The following OR1L8 variants were observed in gnomAD, a reference collection of about 807,000 sequenced individuals.
OR1L8 encodes the protein olfactory receptor family 1 subfamily L member 8, also known as olfactory receptor 1L8.
For missense variants in OR1L8, 330 were observed against 377.4 expected, an observed-to-expected ratio of 0.87 and a Z score of 1.04; for synonymous variants, 148 against 147.0, an observed-to-expected ratio of 1.01 and a Z score of -0.05.
At chr9:122,553,642 G>T in the OR1L8 span, 2 of 1,614,090 alleles carry the variant, frequency 1.2e-6, no homozygotes, top group Non-Finnish European at 1.7e-6. Flanking sequence ...CCCCAGCTCT[G>T]TGCACTAATG....
At chr9:122,559,451 T>C in the OR1L8 span, among the ~76,000 whole-genome samples, 1 of 152,162 alleles carries the variant, frequency 6.6e-6, no homozygotes, top group Non-Finnish European at 1.5e-5. Flanking sequence ...TGCTTTCTCT[T>C]GTGGGCATTT....
chr9:122,556,779 T>C, the OR1L8 span, among the ~76,000 whole-genome samples: 1 of 152,342 alleles, frequency 6.6e-6, no homozygotes, highest in Non-Finnish European at 1.5e-5. Flanking sequence ...TTTGTTGATA[T>C]CCACAAAGTA....
chr9:122,554,396 C>G, the OR1L8 span, among the ~76,000 whole-genome samples: 1 of 152,050 alleles, frequency 6.6e-6, no homozygotes, highest in African/African-American at 2.4e-5. Context: ...AACAGCAAAA[C>G]TACTATTCCT....
chr9:122,546,833 C>T, the OR1L8 span, among the ~76,000 whole-genome samples: 1 of 152,012 alleles, frequency 6.6e-6, no homozygotes, highest in South Asian at 2.1e-4. Flanking sequence ...TTTTAATGGA[C>T]AAATAATAAT....
At chr9:122,558,240 GT>G in the OR1L8 span, among the ~76,000 whole-genome samples, 1 of 121,516 alleles carries the variant, frequency 8.2e-6, no homozygotes, top group Non-Finnish European at 1.8e-5. Flanking sequence ...AATTTTTATT[GT>G]TTTTTTCTTG....
At chr9:122,582,967 T>C (rs777632730) in intron 1 of OR1L8, among the ~76,000 whole-genome samples, 13 of 152,008 alleles carry the variant, frequency 8.6e-5, no homozygotes, top group Non-Finnish European at 1.3e-4. Flanking sequence ...CTAAATCATA[T>C]AGATTATAGC....
Position 122,571,766 on chromosome 9 carries a change from G to A in OR1L8, c.-213+1014C>T, listed in dbSNP as rs1173116711. On this transcript the variant is annotated intron_variant, in intron 4 of 4. Transcript: ENST00000641027. ...ATGGTGGAGGTGGGTCTTGTGTGTAGGGTTGTAGTGGTGCAGTGGACAGTG... is the reference window on the plus strand; with the variant it reads ...ATGGTGGAGGTGGGTCTTGTGTGTAAGGTTGTAGTGGTGCAGTGGACAGTG... 4.6e-5 allele frequency among the ~76,000 whole-genome samples: 7 copies of A among 151,908 alleles called. No homozygotes were observed. In the East Asian group the frequency reaches 1.4e-3, roughly 29 times the overall value.
At chr9:122,549,547 GA>G in the OR1L8 span, among the ~76,000 whole-genome samples, 8 of 152,074 alleles carry the variant, frequency 5.3e-5, no homozygotes, top group African/African-American at 1.7e-4. Context: ...TATATGGTGA[GA>G]AATATGGGTC....
chr9:122,554,288 T>A, the OR1L8 span: 15 of 548,444 alleles, frequency 2.7e-5, no homozygotes, highest in African/African-American at 1.2e-4. Flanking sequence ...GTTAGGGATG[T>A]AAAAAAAAAA....
At chr9:122,549,786 A>G in the OR1L8 span, among the ~76,000 whole-genome samples, 1 of 152,122 alleles carries the variant, frequency 6.6e-6, no homozygotes, top group Non-Finnish European at 1.5e-5. Flanking sequence ...ATTTGAAGTC[A>G]GGTGATGTAA....
the OR1L8 span, among the ~76,000 whole-genome samples, chr9:122,554,945 G>A: frequency 6.6e-6 from 1 of 152,134 alleles, no homozygotes; most frequent in South Asian, 2.1e-4. Context: ...AAGCATGCTG[G>A]AAATTTTTAG....
chr9:122,568,994 ACT>A (rs1284753272), intron 4 of OR1L8, among the ~76,000 whole-genome samples: 1 of 151,884 alleles, frequency 6.6e-6, no homozygotes, highest in Non-Finnish European at 1.5e-5. Context: ...GTTTCAGGAC[ACT>A]CTTTCCCTAT....
the OR1L8 span, among the ~76,000 whole-genome samples, chr9:122,548,803 T>TTTGTTGTTGTTG: frequency 7.1e-6 from 1 of 140,190 alleles, no homozygotes; most frequent in African/African-American, 2.7e-5. Flanking sequence ...TCCTGTGTGT[T>TTTGTTGTTGTTG]TTGTTGTTGT....
the OR1L8 span, among the ~76,000 whole-genome samples, chr9:122,546,429 G>A: frequency 1.9e-4 from 29 of 152,246 alleles, 2 homozygotes; most frequent in South Asian, 4.6e-3. Context: ...AGCAGCTTCC[G>A]CCTTGGTCTC....
the OR1L8 span, among the ~76,000 whole-genome samples, chr9:122,551,758 A>G: frequency 6.6e-6 from 1 of 152,102 alleles, no homozygotes; most frequent in Non-Finnish European, 1.5e-5. Context: ...GGTCGACCTT[A>G]ACGAGCACAT....
the OR1L8 span, among the ~76,000 whole-genome samples, chr9:122,547,655 G>GTGTGTT: frequency 6.7e-6 from 1 of 148,958 alleles, no homozygotes; most frequent in African/African-American, 2.5e-5. Context: ...GTGTGTGTGT[G>GTGTGTT]TGTACATACA....
chr9:122,556,195 AG>A, the OR1L8 span, among the ~76,000 whole-genome samples: 1 of 151,696 alleles, frequency 6.6e-6, no homozygotes, highest in Admixed American at 6.6e-5. Flanking sequence ...GTCTTTTCAT[AG>A]CTTGATAGTT....
the OR1L8 span, among the ~76,000 whole-genome samples, chr9:122,560,182 T>G: frequency 6.6e-6 from 1 of 152,182 alleles, no homozygotes. Flanking sequence ...ATTTGCTTGG[T>G]AAATTTTCTC....
At chr9:122,558,013 C>T in the OR1L8 span, among the ~76,000 whole-genome samples, 1 of 151,622 alleles carries the variant, frequency 6.6e-6, no homozygotes, top group Non-Finnish European at 1.5e-5. Context: ...TCATGGTATT[C>T]CTTTATTATC....
Sources: allele counts gnomAD v4.1 joint callset (sites outside exome capture counted in the v4.1 genomes callset), GRCh38; gene constraint gnomAD v4.1.1; transcripts MANE v1.5; gene names NCBI Gene and HGNC (gene_info 2026-07-23, HGNC 2026-07-21).